Variants in DHRS13 observed in about 807,000 individuals in gnomAD.
DHRS13 encodes dehydrogenase/reductase 13.
DHRS13 carries 22 observed loss-of-function variants against 17.9 expected under a neutral mutation model. The observed-to-expected ratio is 1.23, with a 90% CI of 0.88 to 1.75. DHRS13 has a LOEUF of 1.75. Among genes scored for constraint, DHRS13 ranks in the 40% most tolerant of loss-of-function variants. The pLI, the probability that DHRS13 is intolerant of heterozygous loss-of-function variation, is 0.00. For synonymous variants in DHRS13, 206 were observed against 220.4 expected, an observed-to-expected ratio of 0.93 and a Z score of 0.58; for missense variants, 483 against 519.9, an observed-to-expected ratio of 0.93 and a Z score of 0.69.
chr17:28,900,943 G>A (rs1482174294), intron 4 of DHRS13, 47 bp downstream of exon 4: 1 of 1,541,884 alleles, frequency 6.5e-7, no homozygotes, highest in East Asian at 2.3e-5. Context: ...CACAGGATGG[G>A]GCAAGGAAAG....
At position 28,902,714 on chromosome 17, in the gene DHRS13, G is replaced by C. The variant is rs1326546359; in HGVS notation, c.128-13C>G. ...CCGCTGTTGGCGCCTGCGGACCGCGGGCGGGAGCCGAGCTGAGCTGAGCCC... is the reference window on the plus strand; with the variant it reads ...CCGCTGTTGGCGCCTGCGGACCGCGCGCGGGAGCCGAGCTGAGCTGAGCCC... On this transcript the variant is annotated splice_polypyrimidine_tract_variant and intron_variant, in intron 1 of 4. Coordinates refer to ENST00000378895, the MANE Select transcript of DHRS13 (RefSeq NM_144683.4). This position sits in a 1 kb window ranked among gnomAD's most constrained non-coding sequence, Gnocchi z 4.0. 1.5e-5 allele frequency: 20 copies of C among 1,354,560 alleles called. No individual in the cohort carries two copies. Among genetic ancestry groups the C allele is most frequent in the Non-Finnish European group, 1.9e-5 (20 of 1,061,924 alleles). 83.9% of individuals were successfully genotyped at this position (1,354,560 alleles called of 1,614,324 possible).
chr17:28,898,737 T>G lies in DHRS13; in HGVS notation c.838A>C (p.Arg280=), dbSNP rs751440834. 2 of 1,613,898 alleles carry G rather than the reference T, an allele frequency of 1.2e-6. No individual in the cohort carries two copies. The highest frequency in any genetic ancestry group is 1.7e-6 in the Non-Finnish European group (2 of 1,179,930). The change falls in exon 5 of 5, where the codon AGA becomes CGA. Residue 280 remains arginine (R), a synonymous_variant. Transcript: ENST00000378895. Reference sequence around the variant, plus strand: ...TCCACATGGCAGTTGGCAAAATATCTCCCACTGAGGGGCTCGATGCCCTCT... The same window carrying G: ...TCCACATGGCAGTTGGCAAAATATCGCCCACTGAGGGGCTCGATGCCCTCT... The part of the protein sequence containing the change: ...LQEGIEPLSG[R]YFANCHVEEV...
chr17:28,902,758 C>T lies in DHRS13; in HGVS notation c.128-57G>A. 7.1e-7 allele frequency: 1 copy of T among 1,399,904 alleles called. No individual in the cohort carries two copies. The highest frequency in any genetic ancestry group is 9.2e-7 in the Non-Finnish European group (1 of 1,085,430). 86.7% of individuals were successfully genotyped at this position (1,399,904 alleles called of 1,614,324 possible). Reference sequence around the variant, plus strand: ...TGAGCCCGGCGGGCCGCTGCTACCGCCGGCCCGGCCTCCTCTCCGCGCGCC... The same window carrying T: ...TGAGCCCGGCGGGCCGCTGCTACCGTCGGCCCGGCCTCCTCTCCGCGCGCC... On this transcript the variant is annotated intron_variant, in intron 1 of 4. Transcript: ENST00000378895. This position sits in a 1 kb window ranked among gnomAD's most constrained non-coding sequence, Gnocchi z 4.0.
chr17:28,898,070 G>T lies in DHRS13; in HGVS notation c.*371C>A. On this transcript the variant is annotated 3_prime_UTR_variant, in exon 5 of 5. Coordinates refer to ENST00000378895, the MANE Select transcript of DHRS13 (RefSeq NM_144683.4). ...GGTAATTTAACTACCTAGCTAGACG[G>T]TTGCAAAGGGATCAGTTCACTAATT... The T allele has an allele frequency of 3.8e-6, 1 of 264,492 alleles. No individual in the cohort carries two copies. The highest frequency in any genetic ancestry group is 7.2e-6 in the Non-Finnish European group (1 of 139,444). 16.4% of individuals were successfully genotyped at this position (264,492 alleles called of 1,614,324 possible). A position where few individuals can be genotyped will look rare whatever the true frequency, so the allele number is the denominator to read the frequency against.
Position 28,902,207 on chromosome 17 carries a change from T to G in DHRS13, c.246+376A>C. The G allele has an allele frequency of 5.6e-6, 1 of 179,836 alleles. No homozygotes were observed. The allele number at this position is 179,836 out of a possible 1,614,324, so 11.1% of individuals were successfully genotyped here. A position where few individuals can be genotyped will look rare whatever the true frequency, so the allele number is the denominator to read the frequency against. On this transcript the variant is annotated intron_variant, in intron 2 of 4. Transcript: ENST00000378895. This position sits in a 1 kb window ranked among gnomAD's most constrained non-coding sequence, Gnocchi z 4.0. Reference sequence around the variant, plus strand: ...TCTCCAGCCCCCTCATTTGCCCATCTTCCTCATACTTTGTGCTCCAGCCTC... The same window carrying G: ...TCTCCAGCCCCCTCATTTGCCCATCGTCCTCATACTTTGTGCTCCAGCCTC...
rs1347210858 is a variant in DHRS13, at chr17:28,898,910, G to GA, written c.683-19dup. Reference sequence around the variant, plus strand: ...CACAGGCCCTGTAGGCAGGAAGAAAGAAAGGAGTCGGGCTAGGCACAGTGG... The same window carrying GA: ...CACAGGCCCTGTAGGCAGGAAGAAAGAAAAGGAGTCGGGCTAGGCACAGTGG... On this transcript the variant is annotated intron_variant, in intron 4 of 4. Transcript: ENST00000378895. 6.4e-7 allele frequency: 1 copy of GA among 1,552,414 alleles called. No homozygotes were observed. The highest frequency in any genetic ancestry group is 8.7e-7 in the Non-Finnish European group (1 of 1,151,048).
chr17:28,900,236 C>T (rs998269286), intron 4 of DHRS13, among the ~76,000 whole-genome samples: 3 of 151,950 alleles, frequency 2.0e-5, no homozygotes, highest in Admixed American at 2.0e-4. Flanking sequence ...ACCATGTTGC[C>T]CAGGTTGGTC....
rs2039805489 is a variant in DHRS13, at chr17:28,901,559, C to T, written c.304G>A (p.Val102Met). The part of the protein sequence containing the change: ...MALDLASLAS[V>M]RAFATAFLSS... The stretch of plus-strand genomic sequence containing the variant: ...AGAAAGGCAGTGGCAAAGGCCCGCA[C>T]CGAGGCCAGACTGGCCAAGTCCAAG... The change falls in exon 3 of 5, where the codon GTG becomes ATG. Residue 102 changes from valine (V) to methionine (M), a missense_variant. Val to Met is a conservative substitution (Grantham distance 21, BLOSUM62 1). Coordinates refer to ENST00000378895, the MANE Select transcript of DHRS13 (RefSeq NM_144683.4). This position sits in a 1 kb window ranked among gnomAD's most constrained non-coding sequence, Gnocchi z 4.3. The T allele has an allele frequency of 6.2e-7, 1 of 1,614,236 alleles. No homozygotes were observed. The highest frequency in any genetic ancestry group is 8.5e-7 in the Non-Finnish European group (1 of 1,180,034).
chr17:28,901,877 A>C lies in DHRS13; in HGVS notation c.247-261T>G. ...TAATAATAACAACAGTCCCAATCTCACTGAGCTTTTGTGAGGATGAAAGGA... is the reference window on the plus strand; with the variant it reads ...TAATAATAACAACAGTCCCAATCTCCCTGAGCTTTTGTGAGGATGAAAGGA... On this transcript the variant is annotated intron_variant, in intron 2 of 4. Coordinates refer to ENST00000378895, the MANE Select transcript of DHRS13 (RefSeq NM_144683.4). This position sits in a 1 kb window ranked among gnomAD's most constrained non-coding sequence, Gnocchi z 4.3. 80 of 469,080 alleles carry C rather than the reference A, an allele frequency of 1.7e-4. No individual in the cohort carries two copies. The highest frequency in any genetic ancestry group is 3.5e-4 in the East Asian group (9 of 25,736). The allele number at this position is 469,080 out of a possible 1,614,324, so 29.1% of individuals were successfully genotyped here.
chr17:28,902,627 G>T lies in DHRS13; in HGVS notation c.202C>A (p.Arg68Ser). ...RRGARVVLACRSQERGEAAAF... is the reference protein window; with the variant it reads ...RRGARVVLACSSQERGEAAAF... The stretch of plus-strand genomic sequence containing the variant: ...GCCGCCTCCCCGCGCTCCTGGCTGC[G>T]GCAGGCCAGCACCACGCGCGCTCCC... The change falls in exon 2 of 5, where the codon CGC becomes AGC. Residue 68 changes from arginine (R) to serine (S), a missense_variant. Transcript: ENST00000378895. This position sits in a 1 kb window ranked among gnomAD's most constrained non-coding sequence, Gnocchi z 4.0. 1 of 1,474,282 alleles carries T rather than the reference G, an allele frequency of 6.8e-7. No homozygotes were observed. Among genetic ancestry groups the T allele is most frequent in the Non-Finnish European group, 8.9e-7 (1 of 1,121,080 alleles). 91.3% of individuals were successfully genotyped at this position (1,474,282 alleles called of 1,614,324 possible).
rs1252156616 is a variant in DHRS13 at position 28,902,708 on chromosome 17, A to T, written c.128-7T>A. On this transcript the variant is annotated splice_region_variant and splice_polypyrimidine_tract_variant and intron_variant, in intron 1 of 4. Coordinates refer to ENST00000378895, the MANE Select transcript of DHRS13 (RefSeq NM_144683.4). This position sits in a 1 kb window ranked among gnomAD's most constrained non-coding sequence, Gnocchi z 4.0. ...CCGATGCCGCTGTTGGCGCCTGCGG[A>T]CCGCGGGCGGGAGCCGAGCTGAGCT... is the stretch of plus-strand genomic sequence containing the variant. The T allele has an allele frequency of 3.2e-5, 44 of 1,354,802 alleles. No individual in the cohort carries two copies. The highest frequency in any genetic ancestry group is 4.0e-5 in the Admixed American group (1 of 24,844). The allele number at this position is 1,354,802 out of a possible 1,614,324, so 83.9% of individuals were successfully genotyped here.
Position 28,899,315 on chromosome 17 carries a change from T to A in DHRS13, c.683-423A>T, listed in dbSNP as rs1245206230. 1 of 173,688 alleles carries A rather than the reference T, an allele frequency of 5.8e-6. No individual in the cohort carries two copies. The highest frequency in any genetic ancestry group is 1.2e-5 in the Non-Finnish European group (1 of 82,788). The allele number at this position is 173,688 out of a possible 1,614,324, so 10.8% of individuals were successfully genotyped here. A position where few individuals can be genotyped will look rare whatever the true frequency, so the allele number is the denominator to read the frequency against. On this transcript the variant is annotated intron_variant, in intron 4 of 4. Transcript: ENST00000378895. This position sits in a 1 kb window ranked among gnomAD's most constrained non-coding sequence, Gnocchi z 4.7. ...GTCCTGTTCCTTGTTTAACCAGCAT[T>A]TATTAAGTACTTGCAGTATACCAGC...
chr17:28,898,198 G>C lies in DHRS13; in HGVS notation c.*243C>G, dbSNP rs1187515831. Reference sequence around the variant, plus strand: ...CTGAAAATACTACATCCAAATTTCCGAGAAGCACAGTGTCTAGCATACCCC... The same window carrying C: ...CTGAAAATACTACATCCAAATTTCCCAGAAGCACAGTGTCTAGCATACCCC... On this transcript the variant is annotated 3_prime_UTR_variant, in exon 5 of 5. Transcript: ENST00000378895. The C allele has an allele frequency of 3.9e-6, 2 of 517,186 alleles. No individual in the cohort carries two copies. The highest frequency in any genetic ancestry group is 3.6e-5 in the East Asian group (1 of 28,140). 32.0% of individuals were successfully genotyped at this position (517,186 alleles called of 1,614,324 possible).
rs766670294 is a variant in DHRS13 at position 28,902,985 on chromosome 17, C to A, written c.-41G>T. 2 of 1,380,124 alleles carry A rather than the reference C, an allele frequency of 1.4e-6. No homozygotes were observed. 85.5% of individuals were successfully genotyped at this position (1,380,124 alleles called of 1,614,324 possible). A position where few individuals can be genotyped will look rare whatever the true frequency, so the allele number is the denominator to read the frequency against. ...CGGCTCCCGCCCAGGCCCCGCACCG[C>A]CCTGGATCGCCGCCAGGCGGCTGCC... is the stretch of plus-strand genomic sequence containing the variant. On this transcript the variant is annotated 5_prime_UTR_variant, in exon 1 of 5. Transcript: ENST00000378895. The surrounding 1 kb of genome is among the most constrained non-coding windows in gnomAD (Gnocchi z 4.0).
Position 28,902,957 on chromosome 17 carries a change from TC to T in DHRS13, c.-14del. On this transcript the variant is annotated 5_prime_UTR_variant, in exon 1 of 5. Coordinates refer to ENST00000378895, the MANE Select transcript of DHRS13 (RefSeq NM_144683.4). This position sits in a 1 kb window ranked among gnomAD's most constrained non-coding sequence, Gnocchi z 4.0. ...GCAGCGCCTCCATGCCGGCCGCGCC[TC>T]CCGGCTCCCGCCCAGGCCCCGCACC... 1 of 1,500,352 alleles carries T rather than the reference TC, an allele frequency of 6.7e-7. No homozygotes were observed. Among genetic ancestry groups the T allele is most frequent in the Non-Finnish European group, 8.8e-7 (1 of 1,130,424 alleles). The allele number at this position is 1,500,352 out of a possible 1,614,324, so 92.9% of individuals were successfully genotyped here.
Position 28,898,801 on chromosome 17 carries a change from T to C in DHRS13, c.774A>G (p.Pro258=), listed in dbSNP as rs371149618. ...ACAGGGGTGTCTGGGCACCCCCTCT[T>C]GGTGCCCGGAGCACCAGCCAAGCCA... ...RPLAWLVLRA[P]RGGAQTPLYC... is the part of the protein sequence containing the mutation. Residue 258 remains proline, a synonymous_variant, in exon 5 of 5, where the codon CCA becomes CCG. Transcript: ENST00000378895. 2.5e-6 allele frequency: 4 copies of C among 1,610,810 alleles called. No homozygotes were observed. The highest frequency in any genetic ancestry group is 1.7e-5 in the Admixed American group (1 of 59,592).
At position 28,899,024 on chromosome 17, in the gene DHRS13, A is replaced by G; in HGVS notation, c.683-132T>C. The G allele has an allele frequency of 2.6e-6, 2 of 755,628 alleles. No homozygotes were observed. Among genetic ancestry groups the G allele is most frequent in the Non-Finnish European group, 2.0e-6 (1 of 494,044 alleles). The allele number at this position is 755,628 out of a possible 1,614,324, so 46.8% of individuals were successfully genotyped here. A position where few individuals can be genotyped will look rare whatever the true frequency, so the allele number is the denominator to read the frequency against. ...TGAGACCAGACTGGGCAACATAGTC[A>G]AGCTCTGTCTCTTTAAAAAAAAAAA... On this transcript the variant is annotated intron_variant, in intron 4 of 4. Coordinates refer to ENST00000378895, the MANE Select transcript of DHRS13 (RefSeq NM_144683.4). This position sits in a 1 kb window ranked among gnomAD's most constrained non-coding sequence, Gnocchi z 4.7.
In DHRS13 at chr17:28,901,049, G is replaced by A. The variant is rs1371963918; in HGVS notation, c.623C>T (p.Ala208Val). ...CTCAAGCTGGTTGGCGAGCTCCCGG[G>A]CAAACAGTACATTAGCCAGCTTAGT... ...ADTKLANVLF[A>V]RELANQLEAT... The change falls in exon 4 of 5, where the codon GCC becomes GTC. Residue 208 changes from alanine to valine, a missense_variant. Transcript: ENST00000378895. The surrounding 1 kb of genome is among the most constrained non-coding windows in gnomAD (Gnocchi z 4.3). 1.9e-6 allele frequency: 3 copies of A among 1,613,216 alleles called. No homozygotes were observed. The highest frequency in any genetic ancestry group is 1.7e-5 in the Admixed American group (1 of 59,986).
In DHRS13 at chr17:28,900,999, C is replaced by T. The variant is rs1378228219; in HGVS notation, c.673G>A (p.Ala225Thr). Residue 225 changes from alanine to threonine, a missense_variant, in exon 4 of 5, where the codon GCC becomes ACC. By Grantham distance (58) the Ala-to-Thr change is moderately conservative (BLOSUM62 0). Coordinates refer to ENST00000378895, the MANE Select transcript of DHRS13 (RefSeq NM_144683.4). ...AAGAACCAGACCTCACCTGGGTGGG[C>T]TGCATAGCAGGTGACGCCAGTGGCC... is the stretch of plus-strand genomic sequence containing the variant. ...LEATGVTCYA[A>T]HPGPVNSELF... The T allele has an allele frequency of 2.5e-6, 4 of 1,593,478 alleles. No homozygotes were observed. The African/African-American group carries it at 4.0e-5, about 16-fold the overall frequency.
Sources: allele counts gnomAD v4.1 joint callset (sites outside exome capture counted in the v4.1 genomes callset), GRCh38; gene constraint gnomAD v4.1.1; non-coding constraint Gnocchi (gnomAD v3.1); transcripts MANE v1.5; gene names NCBI Gene and HGNC (gene_info 2026-07-23, HGNC 2026-07-21).